Variants in ELMO1 observed in about 807,000 individuals in gnomAD.
ELMO1 encodes the protein engulfment and cell motility 1, also known as engulfment and cell motility protein 1.
In ELMO1, 26 loss-of-function variants were observed where a neutral mutation model predicts 98.9. That is an observed-to-expected ratio of 0.26 (90% CI 0.19 to 0.36). ELMO1 has a LOEUF of 0.36. ELMO1 is among the 10% of genes least tolerant of loss of function. The pLI, the probability that ELMO1 is intolerant of heterozygous loss-of-function variation, is 1.00. For synonymous variants in ELMO1, 346 were observed against 346.0 expected (o/e 1.00, Z 0.00); for missense variants, 627 against 935.2 (o/e 0.67, Z 4.30).
chr7:37,343,266 A>AAC (rs141422705), intron 1 of ELMO1: 7,570 of 153,162 alleles, frequency 0.049, 253 homozygotes, highest in Admixed American at 0.074. Flanking sequence ...AAGAAGGAGA[A>AAC]ACACCCTGAG....
intron 13 of ELMO1, among the ~76,000 whole-genome samples, chr7:37,192,794 T>A (rs1269597844): frequency 1.6e-5 from 1 of 64,476 alleles, no homozygotes; most frequent in Admixed American, 2.1e-4. Flanking sequence ...CGAGACTCTG[T>A]CTCAAAAAAA....
intron 16 of ELMO1, among the ~76,000 whole-genome samples, chr7:36,895,749 A>T (rs76458559): frequency 0.019 from 2,961 of 152,312 alleles, 37 homozygotes; most frequent in Non-Finnish European, 0.031. Context: ...GGACGCATAC[A>T]GCACGAAAAG....
At chr7:36,866,987 T>C (rs1410045983) in intron 20 of ELMO1, among the ~76,000 whole-genome samples, 1 of 152,146 alleles carries the variant, frequency 6.6e-6, no homozygotes, top group Non-Finnish European at 1.5e-5. Flanking sequence ...ATATGAACAC[T>C]AGTAACATTG....
rs564639867 is a variant in ELMO1, at chr7:36,979,995, C to A, written c.1437+33304G>T. ...AAAGAAACTTTATTTCATTATACTTCCAGGTCTGGGAATGATGCCAGTGAA... is the reference window on the plus strand; with the variant it reads ...AAAGAAACTTTATTTCATTATACTTACAGGTCTGGGAATGATGCCAGTGAA... On this transcript the variant is annotated intron_variant, in intron 16 of 21. Coordinates refer to ENST00000310758, the MANE Select transcript of ELMO1 (RefSeq NM_014800.11). Among the ~76,000 whole-genome samples the A allele has an allele frequency of 1.7e-3, 263 of 152,308 alleles. 2 individuals carry two copies. The highest frequency in any genetic ancestry group is 4.6e-3 in the South Asian group (22 of 4,826).
intron 16 of ELMO1, among the ~76,000 whole-genome samples, chr7:36,946,630 C>A (rs187421282): frequency 4.2e-4 from 64 of 152,296 alleles, no homozygotes; most frequent in African/African-American, 1.5e-3. Flanking sequence ...TCCCTAAAAA[C>A]CCACTTTCTT....
chr7:37,308,112 CAAAT>C lies in ELMO1; in HGVS notation c.192+6734_192+6737del, dbSNP rs576869608. ...TGCCCGACAGAGCAAGACTCTGTCTCAAATAAATAAATAATTAATTAATTAAAAA... is the reference window on the plus strand; with the variant it reads ...TGCCCGACAGAGCAAGACTCTGTCTCAAATAAATAATTAATTAATTAAAAA... On this transcript the variant is annotated intron_variant, in intron 4 of 21. Transcript: ENST00000310758. 1.3e-3 allele frequency among the ~76,000 whole-genome samples: 193 copies of C among 152,134 alleles called. 1 individual carries two copies. Among genetic ancestry groups the C allele is most frequent in the South Asian group, 7.3e-3 (35 of 4,812 alleles).
At chr7:37,044,879 T>A (rs2129198675) in intron 15 of ELMO1, among the ~76,000 whole-genome samples, 1 of 152,370 alleles carries the variant, frequency 6.6e-6, no homozygotes, top group Middle Eastern at 3.4e-3. Context: ...AGAAGTAATG[T>A]TAGCAGCTAT....
At chr7:37,338,004 A>G (rs1425748460) in intron 2 of ELMO1, among the ~76,000 whole-genome samples, 1 of 152,218 alleles carries the variant, frequency 6.6e-6, no homozygotes, top group Non-Finnish European at 1.5e-5. Context: ...CTTCCTAAAC[A>G]TTGAAAAAGT....
At chr7:36,957,271 G>A (rs1365259908) in intron 16 of ELMO1, among the ~76,000 whole-genome samples, 1 of 134,494 alleles carries the variant, frequency 7.4e-6, no homozygotes, top group East Asian at 1.9e-4. Flanking sequence ...GCCTTTGACA[G>A]GATTGAGGCA....
rs574496754 is a variant in ELMO1 at position 37,226,451 on chromosome 7, A to G, written c.550-1421T>C. 1.4e-4 allele frequency among the ~76,000 whole-genome samples: 21 copies of G among 152,216 alleles called. No individual in the cohort carries two copies. In the South Asian group the frequency reaches 2.3e-3, roughly 17 times the overall value. On this transcript the variant is annotated intron_variant, in intron 8 of 21. Transcript: ENST00000310758. ...TCCATCTTTCTCTGACAAAAATCCA[A>G]TTATTGTCACACTGTGTTCAGGGTT...
chr7:37,182,896 T>C lies in ELMO1; in HGVS notation c.1086+28490A>G, dbSNP rs185783095. 2.7e-3 allele frequency among the ~76,000 whole-genome samples: 409 copies of C among 152,258 alleles called. 3 individuals are homozygous for C. Among genetic ancestry groups the C allele is most frequent in the African/African-American group, 9.6e-3 (397 of 41,542 alleles). Reference sequence around the variant, plus strand: ...GAGGGGCCCTCATAGGTGGTAAGTATACAAACAATGTTTAGTTCCTCTTTC... The same window carrying C: ...GAGGGGCCCTCATAGGTGGTAAGTACACAAACAATGTTTAGTTCCTCTTTC... On this transcript the variant is annotated intron_variant, in intron 13 of 21. Coordinates refer to ENST00000310758, the MANE Select transcript of ELMO1 (RefSeq NM_014800.11).
Position 37,408,387 on chromosome 7 carries a change from C to G in ELMO1, c.-74+40288G>C, listed in dbSNP as rs538996259. Among the ~76,000 whole-genome samples, 3 of 152,264 alleles carry G rather than the reference C, an allele frequency of 2.0e-5. No individual in the cohort carries two copies. The South Asian group carries it at 6.2e-4, about 32-fold the overall frequency. On this transcript the variant is annotated intron_variant, in intron 1 of 21. Transcript: ENST00000310758. Reference sequence around the variant, plus strand: ...AGATAAGCCCCTACGCTCTGTCTTTCCAATGCATTTCAACGAGATTCTGCT... The same window carrying G: ...AGATAAGCCCCTACGCTCTGTCTTTGCAATGCATTTCAACGAGATTCTGCT...
chr7:37,434,208 T>G (rs918584136), intron 1 of ELMO1, among the ~76,000 whole-genome samples: 1 of 152,184 alleles, frequency 6.6e-6, no homozygotes, highest in African/African-American at 2.4e-5. Flanking sequence ...CATTAGGTGG[T>G]ACCTTGAGGT....
chr7:37,339,742 C>G (rs376716613), intron 2 of ELMO1, among the ~76,000 whole-genome samples: 2 of 151,946 alleles, frequency 1.3e-5, no homozygotes, highest in Non-Finnish European at 2.9e-5. Flanking sequence ...CCTAATTGCC[C>G]GTCTAGGTTT....
intron 1 of ELMO1, among the ~76,000 whole-genome samples, chr7:37,399,548 T>C (rs1803438607): frequency 6.6e-6 from 1 of 152,118 alleles, no homozygotes. Flanking sequence ...TGCTGTCAAG[T>C]ACATGGAGAA....
chr7:37,124,744 C>T (rs1414818829), intron 14 of ELMO1, among the ~76,000 whole-genome samples: 2 of 152,088 alleles, frequency 1.3e-5, no homozygotes, highest in Non-Finnish European at 2.9e-5. Flanking sequence ...CCATCCCCAT[C>T]AAGCTACCAA....
intron 4 of ELMO1, among the ~76,000 whole-genome samples, chr7:37,294,605 A>T (rs1160768625): frequency 6.6e-6 from 1 of 152,252 alleles, no homozygotes; most frequent in Non-Finnish European, 1.5e-5. Flanking sequence ...ATACATGCAT[A>T]GTACAGTATT....
chr7:36,908,952 C>T (rs1005216189), intron 16 of ELMO1, among the ~76,000 whole-genome samples: 18 of 152,158 alleles, frequency 1.2e-4, no homozygotes. Context: ...TCACAAGAAT[C>T]CTACCAAATA....
At chr7:37,296,822 A>T (rs561874655) in intron 4 of ELMO1, among the ~76,000 whole-genome samples, 2 of 152,320 alleles carry the variant, frequency 1.3e-5, no homozygotes, top group South Asian at 4.1e-4. Context: ...CCTTTCTTAT[A>T]ATAAATACTG....
Sources: allele counts gnomAD v4.1 joint callset (sites outside exome capture counted in the v4.1 genomes callset), GRCh38; gene constraint gnomAD v4.1.1; transcripts MANE v1.5; gene names NCBI Gene and HGNC (gene_info 2026-07-23, HGNC 2026-07-21).